Variants in THNSL1 observed in about 807,000 individuals in gnomAD.
THNSL1 encodes the protein threonine synthase-like 1.
THNSL1 carries 48 observed loss-of-function variants against 50.4 expected under a neutral mutation model. That is an observed-to-expected ratio of 0.95 (90% CI 0.76 to 1.21). The LOEUF (loss-of-function observed/expected upper bound fraction) is 1.21. Among genes scored for constraint, THNSL1 ranks in the 50% most tolerant of loss-of-function variants. The probability of loss-of-function intolerance (pLI) is 0.00; values close to 1 mark genes in which losing one functional copy is unlikely to be tolerated. For synonymous variants in THNSL1, 309 were observed against 306.1 expected, an observed-to-expected ratio of 1.01 and a Z score of -0.10; for missense variants, 896 against 871.7, an observed-to-expected ratio of 1.03 and a Z score of -0.35.
the THNSL1 span, among the ~76,000 whole-genome samples, chr10:24,955,954 A>AAAT: frequency 2.7e-4 from 41 of 151,972 alleles, no homozygotes; most frequent in African/African-American, 7.5e-4. Context: ...CCCTACAAAC[A>AAAT]AATAATAATA....
the THNSL1 span, among the ~76,000 whole-genome samples, chr10:24,970,214 A>C: frequency 6.6e-6 from 1 of 152,240 alleles, no homozygotes; most frequent in African/African-American, 2.4e-5. Context: ...CACTCTTCTG[A>C]AACAGTTACC....
the THNSL1 span, chr10:24,990,371 A>G: frequency 1.8e-5 from 27 of 1,466,836 alleles, no homozygotes; most frequent in East Asian, 6.2e-4. Context: ...TCAAAATCCA[A>G]GTGCTGACTT....
At chr10:24,960,384 A>G in the THNSL1 span, among the ~76,000 whole-genome samples, 1 of 152,046 alleles carries the variant, frequency 6.6e-6, no homozygotes, top group Non-Finnish European at 1.5e-5. Flanking sequence ...ACTTGAAGGA[A>G]CTGGGTTCCT....
the THNSL1 span, among the ~76,000 whole-genome samples, chr10:24,968,967 C>T: frequency 6.6e-6 from 1 of 152,224 alleles, no homozygotes; most frequent in Non-Finnish European, 1.5e-5. Context: ...GACCTCTGCT[C>T]ACTGCAACCT....
chr10:25,007,305 T>C, the THNSL1 span, among the ~76,000 whole-genome samples: 3 of 152,204 alleles, frequency 2.0e-5, no homozygotes, highest in African/African-American at 4.8e-5. Flanking sequence ...TGGCAACTGA[T>C]TTTAAGGAGT....
the THNSL1 span, among the ~76,000 whole-genome samples, chr10:24,988,334 GTGTATATATATATTTATATA>G: frequency 7.1e-6 from 1 of 141,256 alleles, no homozygotes; most frequent in Non-Finnish European, 1.5e-5. Flanking sequence ...ATTTATATAT[GTGTATATATATATTTATATA>G]TGTGTATATA....
chr10:24,953,279 G>A, the THNSL1 span: 1 of 152,220 alleles, frequency 6.6e-6, no homozygotes, highest in South Asian at 2.1e-4. Context: ...TCATCCCAGG[G>A]CCTGGAGCTG....
At position 25,025,263 on chromosome 10, in the gene THNSL1, G is replaced by T. The variant is rs1213340413; in HGVS notation, c.2040G>T (p.Lys680Asn). 1 of 1,614,048 alleles carries T rather than the reference G, an allele frequency of 6.2e-7. No individual in the cohort carries two copies. Among genetic ancestry groups the T allele is most frequent in the African/African-American group, 1.3e-5 (1 of 74,924 alleles). The change falls in exon 3 of 3, where the codon AAG becomes AAT. Residue 680 changes from lysine to asparagine, a missense_variant. Coordinates refer to ENST00000376356, the MANE Select transcript of THNSL1 (RefSeq NM_024838.5). ...CACCTGCTATCATGCAGGCTTTAAAGATTAAAGAAATCAATGAGACTTCAT... is the reference window on the plus strand; with the variant it reads ...CACCTGCTATCATGCAGGCTTTAAATATTAAAGAAATCAATGAGACTTCAT... ...KFAPAIMQAL[K>N]IKEINETSSS...
rs150162748 is a variant in THNSL1 at position 25,022,101 on chromosome 10, C to T, written c.-49+193C>T. Among the ~76,000 whole-genome samples the T allele has an allele frequency of 2.0e-5, 3 of 152,198 alleles. No homozygotes were observed. In the East Asian group the frequency reaches 5.8e-4, roughly 29 times the overall value. On this transcript the variant is annotated intron_variant, in intron 2 of 2. Transcript: ENST00000376356. The stretch of plus-strand genomic sequence containing the variant: ...ACACGTGATAAGCCCCACTATGTGT[C>T]TGTGACATTACTTCAGGCAATTTAC...
chr10:24,988,940 C>T, the THNSL1 span, among the ~76,000 whole-genome samples: 1 of 151,640 alleles, frequency 6.6e-6, no homozygotes, highest in Admixed American at 6.6e-5. Flanking sequence ...GTTACTATGG[C>T]AGCTCTGCTC....
At chr10:25,008,773 C>T in the THNSL1 span, among the ~76,000 whole-genome samples, 5,432 of 151,948 alleles carry the variant, frequency 0.036, 229 homozygotes, top group African/African-American at 0.1. Flanking sequence ...CCCAAAGGAC[C>T]ATAAATCATG....
chr10:25,025,154 C>T lies in THNSL1; in HGVS notation c.1931C>T (p.Ala644Val). The T allele has an allele frequency of 3.1e-6, 5 of 1,614,182 alleles. No homozygotes were observed. Among genetic ancestry groups the T allele is most frequent in the Non-Finnish European group, 4.2e-6 (5 of 1,180,024 alleles). ...TSGYILDPHT[A>V]VAKVVADRVQ... ...GGGTATATTTTGGATCCACACACTG[C>T]TGTTGCAAAAGTGGTTGCAGATAGG... The change falls in exon 3 of 3, where the codon GCT becomes GTT. Residue 644 changes from alanine to valine, a missense_variant. Coordinates refer to ENST00000376356, the MANE Select transcript of THNSL1 (RefSeq NM_024838.5).
At chr10:25,001,539 T>G in the THNSL1 span, among the ~76,000 whole-genome samples, 1 of 152,264 alleles carries the variant, frequency 6.6e-6, no homozygotes, top group Non-Finnish European at 1.5e-5. Context: ...CCTCATTGAT[T>G]CTCTGCTTTC....
chr10:24,957,520 G>T, the THNSL1 span, among the ~76,000 whole-genome samples: 12 of 151,970 alleles, frequency 7.9e-5, no homozygotes, highest in African/African-American at 2.7e-4. Flanking sequence ...TTGCTCTGTT[G>T]CCCAGGCTGG....
the THNSL1 span, among the ~76,000 whole-genome samples, chr10:24,992,145 A>C: frequency 5.3e-5 from 8 of 152,234 alleles, no homozygotes; most frequent in Admixed American, 6.5e-5. Context: ...CCTTCTTCAA[A>C]AGATGTTTGA....
chr10:24,953,221 C>T, the THNSL1 span: 2 of 152,516 alleles, frequency 1.3e-5, no homozygotes, highest in African/African-American at 4.8e-5. Flanking sequence ...CACCTCCCCT[C>T]ACCTCCCTCC....
chr10:25,007,177 A>T, the THNSL1 span, among the ~76,000 whole-genome samples: 1 of 152,156 alleles, frequency 6.6e-6, no homozygotes. Flanking sequence ...GATCTGTAAA[A>T]ATGAATTCTC....
chr10:24,955,208 C>T, the THNSL1 span, among the ~76,000 whole-genome samples: 1 of 152,128 alleles, frequency 6.6e-6, no homozygotes, highest in Non-Finnish European at 1.5e-5. Context: ...CTTGTGAGAA[C>T]TCACTCACTA....
At chr10:25,015,752 C>T, upstream of THNSL1, 1 of 1,066,468 alleles carries the variant, frequency 9.4e-7, no homozygotes, top group Non-Finnish European at 1.2e-6. Context: ...TTCATCGAGG[C>T]AAAAATACAT....
Sources: gnomAD v4.1 joint callset for allele counts (sites outside exome capture counted in the v4.1 genomes callset) on GRCh38, gnomAD v4.1.1 for gene constraint, MANE v1.5 for transcripts, NCBI Gene and HGNC (gene_info 2026-07-23, HGNC 2026-07-21) for gene names.